ACACA: variants seen among roughly 807,000 people sequenced by gnomAD.
ACACA encodes the protein acetyl-CoA carboxylase alpha.
ACACA carries 103 observed loss-of-function variants against 296.1 expected under a neutral mutation model. That is an observed-to-expected ratio of 0.35 (90% confidence interval 0.30 to 0.41). ACACA has a LOEUF of 0.41. Among genes scored for constraint, ACACA ranks in the 10% least tolerant of loss-of-function variants. The pLI, the probability that ACACA is intolerant of heterozygous loss-of-function variation, is 1.00. For missense variants in ACACA, 1,554 were observed against 2,989.7 expected (o/e 0.52, Z 11.20); for synonymous variants, 953 against 1,038.6 (o/e 0.92, Z 1.58).
chr17:37,247,393 G>C (rs560804876), intron 18 of ACACA, among the ~76,000 whole-genome samples: 1 of 127,562 alleles, frequency 7.8e-6, no homozygotes, highest in Non-Finnish European at 1.6e-5. Flanking sequence ...TTGATACGGA[G>C]TTTTGCTCTT....
At position 37,394,360 on chromosome 17, in the gene ACACA, G is replaced by A. The variant is rs577179058; in HGVS notation, c.38+11902C>T. Among the ~76,000 whole-genome samples the A allele has an allele frequency of 1.8e-4, 27 of 151,840 alleles. 1 individual carries two copies. The South Asian group carries it at 4.0e-3, about 22-fold the overall frequency. Reference sequence around the variant, plus strand: ...CCAGTAGCTGGGATTACAGGCATGCGCCACCACACCCAGCTAATTTTTGTA... The same window carrying A: ...CCAGTAGCTGGGATTACAGGCATGCACCACCACACCCAGCTAATTTTTGTA... On this transcript the variant is annotated intron_variant, in intron 1 of 55. Coordinates refer to ENST00000616317, the MANE Select transcript of ACACA (RefSeq NM_198834.3).
At chr17:37,221,041 T>C (rs2079263058) in intron 29 of ACACA, among the ~76,000 whole-genome samples, 1 of 152,202 alleles carries the variant, frequency 6.6e-6, no homozygotes, top group Non-Finnish European at 1.5e-5. Context: ...AGATTTTCAT[T>C]GCCTTAGAAT....
intron 1 of ACACA, among the ~76,000 whole-genome samples, chr17:37,397,496 T>C (rs913781903): frequency 4.6e-5 from 7 of 152,210 alleles, no homozygotes; most frequent in African/African-American, 1.4e-4. Context: ...TTTATTTTTA[T>C]ATCAAAGTTG....
rs1173872959 is a variant in ACACA at position 37,342,406 on chromosome 17, C to CAAAA, written c.39-2560_39-2557dup. 2.4e-3 allele frequency among the ~76,000 whole-genome samples: 51 copies of CAAAA among 21,108 alleles called. 2 individuals carry two copies. Among genetic ancestry groups the CAAAA allele is most frequent in the African/African-American group, 4.3e-3 (25 of 5,778 alleles). 13.8% of individuals were successfully genotyped at this position (21,108 alleles called of 152,430 possible). ...CTGTGGACAAAGTAAGACTGTCTCT[C>CAAAA]AAAAAAAAAAAAAAAAAAAAAAAAA... is the stretch of plus-strand genomic sequence containing the variant. On this transcript the variant is annotated intron_variant, in intron 1 of 55. Coordinates refer to ENST00000616317, the MANE Select transcript of ACACA (RefSeq NM_198834.3).
chr17:37,400,400 G>T (rs2147847696), intron 1 of ACACA, among the ~76,000 whole-genome samples: 1 of 152,284 alleles, frequency 6.6e-6, no homozygotes, highest in South Asian at 2.1e-4. Flanking sequence ...GATTACAGGT[G>T]TGAGCCACAG....
At chr17:37,325,196 T>C (rs2047548043) in intron 3 of ACACA, among the ~76,000 whole-genome samples, 1 of 132,040 alleles carries the variant, frequency 7.6e-6, no homozygotes, top group Non-Finnish European at 1.6e-5. Flanking sequence ...CGAGACTCCC[T>C]CTCAAAAAAA....
intron 45 of ACACA, chr17:37,143,819 C>T: frequency 7.6e-7 from 1 of 1,315,118 alleles, no homozygotes; most frequent in Non-Finnish European, 1.1e-6. Flanking sequence ...CAATATGCAG[C>T]AGTATCCTTT....
chr17:37,133,908 C>T (rs1041907490), intron 45 of ACACA, among the ~76,000 whole-genome samples: 13 of 152,200 alleles, frequency 8.5e-5, no homozygotes, highest in Non-Finnish European at 1.0e-4. Context: ...GGGTCCTCTG[C>T]TGAAGAGTGC....
At chr17:37,205,931 A>G in intron 32 of ACACA, 59 bp from the exon 33 acceptor site, 1 of 1,335,000 alleles carries the variant, frequency 7.5e-7, no homozygotes, top group Non-Finnish European at 1.1e-6. Context: ...AGATGCAGAT[A>G]GAAGTTATAA....
In ACACA at chr17:37,347,759, AG is replaced by A. The variant is rs1337241644; in HGVS notation, c.39-7910del. Among the ~76,000 whole-genome samples the A allele has an allele frequency of 8.8e-3, 1,292 of 146,500 alleles. 30 individuals carry two copies. The highest frequency in any genetic ancestry group is 0.032 in the African/African-American group (1,195 of 37,764). On this transcript the variant is annotated intron_variant, in intron 1 of 55. Coordinates refer to ENST00000616317, the MANE Select transcript of ACACA (RefSeq NM_198834.3). The stretch of plus-strand genomic sequence containing the variant: ...CCCTACTTACGTAAAAAAAAAAAAA[AG>A]AAAGAAAGAAAAAAAATTTTTTAAC...
chr17:37,384,352 A>C (rs760716308), intron 1 of ACACA, among the ~76,000 whole-genome samples: 7 of 152,244 alleles, frequency 4.6e-5, no homozygotes, highest in Non-Finnish European at 8.8e-5. Context: ...GAAAAGGAAA[A>C]GACGGCTGTT....
intron 10 of ACACA, among the ~76,000 whole-genome samples, chr17:37,269,116 A>G (rs1293294021): frequency 2.6e-5 from 4 of 151,674 alleles, no homozygotes; most frequent in Non-Finnish European, 4.4e-5. Context: ...GTAGCAAAAC[A>G]ATACCTTATT....
intron 3 of ACACA, among the ~76,000 whole-genome samples, chr17:37,325,872 C>A: frequency 6.6e-6 from 1 of 151,788 alleles, no homozygotes; most frequent in Middle Eastern, 3.2e-3. Flanking sequence ...CCACGCCCAG[C>A]CAGGGTCTTA....
At chr17:37,388,634 T>A in intron 1 of ACACA, 1 of 1,596,630 alleles carries the variant, frequency 6.3e-7, no homozygotes. Context: ...TCTCAAATTT[T>A]CTTTTCTCCC....
intron 10 of ACACA, among the ~76,000 whole-genome samples, chr17:37,269,538 T>C (rs139984636): frequency 6.6e-6 from 1 of 152,294 alleles, no homozygotes; most frequent in African/African-American, 2.4e-5. Context: ...TACTGAATGT[T>C]GTACTGAAAG....
intron 2 of ACACA, among the ~76,000 whole-genome samples, chr17:37,335,269 A>T (rs750587429): frequency 6.6e-5 from 10 of 152,160 alleles, no homozygotes; most frequent in Non-Finnish European, 1.5e-4. Flanking sequence ...ATACATTTCA[A>T]TCCCTATACC....
At chr17:37,235,190 C>T (rs912254951) in intron 24 of ACACA, 91 bp from the exon 25 acceptor site, 8 of 1,485,240 alleles carry the variant, frequency 5.4e-6, no homozygotes, top group Middle Eastern at 1.7e-4. Context: ...ATTTATGAGA[C>T]GAGCAGTGAG....
chr17:37,147,568 G>A (rs1350155241), intron 45 of ACACA, among the ~76,000 whole-genome samples: 2 of 152,184 alleles, frequency 1.3e-5, no homozygotes, highest in Non-Finnish European at 2.9e-5. Context: ...TATAGGCAAA[G>A]GGGCTAATAG....
intron 35 of ACACA, among the ~76,000 whole-genome samples, chr17:37,194,939 C>A (rs1022623470): frequency 6.6e-6 from 1 of 151,764 alleles, no homozygotes; most frequent in Non-Finnish European, 1.5e-5. Flanking sequence ...TGACACCCCC[C>A]CCACCCGTTA....
Sources: allele counts gnomAD v4.1 joint callset (sites outside exome capture counted in the v4.1 genomes callset), GRCh38; gene constraint gnomAD v4.1.1; transcripts MANE v1.5; gene names NCBI Gene and HGNC (gene_info 2026-07-23, HGNC 2026-07-21).